The following ATP8B4 variants were observed in gnomAD, a reference collection of about 807,000 sequenced individuals.
The protein encoded by ATP8B4 is ATPase phospholipid transporting 8B4 (putative), also known as probable phospholipid-transporting ATPase IM.
ATP8B4 carries 133 observed loss-of-function variants against 145.6 expected under a neutral mutation model. The ratio of observed to expected loss-of-function variants is 0.91; its 90% confidence interval spans 0.79 to 1.05. The LOEUF (loss-of-function observed/expected upper bound fraction) is 1.05, where lower values mean the gene tolerates loss of function less well. ATP8B4 is among the 50% of genes least tolerant of loss of function. The probability of loss-of-function intolerance (pLI) is 0.00; values close to 1 mark genes in which losing one functional copy is unlikely to be tolerated. For synonymous variants in ATP8B4, 507 were observed against 492.9 expected, an observed-to-expected ratio of 1.03 and a Z score of -0.38; for missense variants, 1,458 against 1,425.2, an observed-to-expected ratio of 1.02 and a Z score of -0.37.
chr15:49,883,383 C>T (rs1437903970), intron 23 of ATP8B4: 2 of 152,146 alleles, frequency 1.3e-5, no homozygotes, highest in Admixed American at 6.5e-5. Context: ...TTTGAAGACT[C>T]ATTTCACAGC....
chr15:50,163,492 C>T (rs1362587334), intron 1 of ATP8B4, among the ~76,000 whole-genome samples: 1 of 152,226 alleles, frequency 6.6e-6, no homozygotes, highest in African/African-American at 2.4e-5. Context: ...TGGAGTTTGT[C>T]TCACTCAGCT....
At position 49,972,588 on chromosome 15, in the gene ATP8B4, T is replaced by A. The variant is rs756142555; in HGVS notation, c.1237A>T (p.Ile413Phe). ...AAGGAACTGTTTCTCTTACCATAGA[T>A]TCTCCCATTAATGGAACATCTTTTA... Reference protein sequence around the residue: ...TFKRCSINGRIYGEVHDDLDQ... With the variant: ...TFKRCSINGRFYGEVHDDLDQ... Residue 413 changes from isoleucine to phenylalanine, a missense_variant, in exon 13 of 28, where the codon ATC (isoleucine) becomes TTC (phenylalanine). Coordinates refer to ENST00000284509, the MANE Select transcript of ATP8B4 (RefSeq NM_024837.4). 1 of 1,612,220 alleles carries A rather than the reference T, an allele frequency of 6.2e-7. No homozygotes were observed. Among genetic ancestry groups the A allele is most frequent in the Admixed American group, 1.7e-5 (1 of 59,954 alleles).
rs532822546 is a variant in ATP8B4 at position 50,021,298 on chromosome 15, G to A, written c.363-10381C>T. Among the ~76,000 whole-genome samples, 5 of 152,282 alleles carry A rather than the reference G, an allele frequency of 3.3e-5. No homozygotes were observed. The South Asian group carries it at 1.0e-3, about 32-fold the overall frequency. ...CTCTTGTCTCTCTCTGCTGTCTACT[G>A]TCTACACAGAAGCCAGCGAAATCTT... On this transcript the variant is annotated intron_variant, in intron 6 of 27. Transcript: ENST00000284509.
intron 6 of ATP8B4, among the ~76,000 whole-genome samples, chr15:50,029,152 G>A (rs1039179539): frequency 1.4e-5 from 2 of 147,030 alleles, no homozygotes; most frequent in African/African-American, 5.0e-5. Flanking sequence ...AGAATCGCTT[G>A]AATCCAGGAG....
chr15:50,078,628 C>T (rs977958596), intron 2 of ATP8B4, among the ~76,000 whole-genome samples: 1 of 151,860 alleles, frequency 6.6e-6, no homozygotes, highest in Non-Finnish European at 1.5e-5. Context: ...CTGCCCTGCT[C>T]CAGAGTAAGA....
Position 49,972,708 on chromosome 15 carries a change from C to T in ATP8B4, c.1117G>A (p.Val373Met). 1 of 1,614,020 alleles carries T rather than the reference C, an allele frequency of 6.2e-7. No individual in the cohort carries two copies. Residue 373 changes from valine to methionine, a missense_variant, in exon 13 of 28, where the codon GTG becomes ATG. Physicochemically the swap from Val to Met is conservative, Grantham distance 21. Transcript: ENST00000284509. The stretch of plus-strand genomic sequence containing the variant: ...TCATTGAGCGTGGTCGTTCGAGCCA[C>T]TGCAGGTATTGCTTTTCGAGAATAA... ...MYYSRKAIPA[V>M]ARTTTLNEEL...
chr15:50,162,087 C>A (rs982571663), intron 1 of ATP8B4, among the ~76,000 whole-genome samples: 1 of 151,998 alleles, frequency 6.6e-6, no homozygotes, highest in African/African-American at 2.4e-5. Flanking sequence ...ATATGTCATG[C>A]CACTTTCTCC....
At chr15:49,991,552 C>A in intron 9 of ATP8B4, among the ~76,000 whole-genome samples, 1 of 152,002 alleles carries the variant, frequency 6.6e-6, no homozygotes, top group African/African-American at 2.4e-5. Flanking sequence ...AAATCAAGGC[C>A]CAATCTCTTT....
At chr15:50,164,648 T>C (rs763090798) in intron 1 of ATP8B4, among the ~76,000 whole-genome samples, 3 of 152,230 alleles carry the variant, frequency 2.0e-5, no homozygotes, top group Non-Finnish European at 4.4e-5. Flanking sequence ...CCACTGGCTC[T>C]AAGCCCAGGA....
At chr15:50,005,766 C>T (rs1373473163) in intron 7 of ATP8B4, among the ~76,000 whole-genome samples, 4 of 152,136 alleles carry the variant, frequency 2.6e-5, no homozygotes, top group African/African-American at 4.8e-5. Context: ...AACACAACTA[C>T]GAAAAACAGA....
chr15:50,105,210 C>T (rs1411884475), intron 2 of ATP8B4, among the ~76,000 whole-genome samples: 1 of 146,370 alleles, frequency 6.8e-6, no homozygotes, highest in South Asian at 2.2e-4. Flanking sequence ...AGAACTTACT[C>T]ATGTAACCAA....
intron 1 of ATP8B4, among the ~76,000 whole-genome samples, chr15:50,115,256 AG>A: frequency 6.6e-6 from 1 of 152,206 alleles, no homozygotes; most frequent in South Asian, 2.1e-4. Flanking sequence ...GGACCACTTG[AG>A]CCCAGAAGCT....
chr15:50,168,833 G>A (rs937859066), intron 1 of ATP8B4, among the ~76,000 whole-genome samples: 10 of 152,202 alleles, frequency 6.6e-5, no homozygotes, highest in African/African-American at 1.9e-4. Context: ...ACTTGGGGCC[G>A]TTGGTGGGGT....
chr15:50,138,326 G>GTAGGTAGA (rs1555496744), intron 1 of ATP8B4, among the ~76,000 whole-genome samples: 3,743 of 148,174 alleles, frequency 0.025, 66 homozygotes, highest in Middle Eastern at 0.034. Context: ...AGATAGATAG[G>GTAGGTAGA]TAGATAGATA....
At chr15:49,940,634 G>C (rs899929994) in intron 14 of ATP8B4, among the ~76,000 whole-genome samples, 5 of 152,112 alleles carry the variant, frequency 3.3e-5, no homozygotes, top group Non-Finnish European at 7.4e-5. Context: ...AGACTCTAAG[G>C]AGTACCATAT....
chr15:49,918,760 C>G (rs1555412858), intron 19 of ATP8B4, 79 bp downstream of exon 19: 2 of 1,028,264 alleles, frequency 1.9e-6, no homozygotes, highest in South Asian at 1.5e-5. Flanking sequence ...ATTAATTAAC[C>G]TTTCTGGTTA....
intron 8 of ATP8B4, among the ~76,000 whole-genome samples, chr15:49,999,952 T>A (rs931378804): frequency 1.3e-5 from 2 of 152,156 alleles, no homozygotes; most frequent in South Asian, 2.1e-4. Context: ...TTATACTGTA[T>A]GTGACCTTTG....
chr15:49,956,781 A>T (rs1038218564), intron 14 of ATP8B4, among the ~76,000 whole-genome samples: 2 of 152,148 alleles, frequency 1.3e-5, no homozygotes, highest in African/African-American at 4.8e-5. Context: ...TCCTAGCCTC[A>T]AACAATCCTC....
intron 6 of ATP8B4, among the ~76,000 whole-genome samples, chr15:50,022,930 T>C (rs1173527672): frequency 6.6e-6 from 1 of 152,244 alleles, no homozygotes; most frequent in African/African-American, 2.4e-5. Context: ...CCAAAGTCTC[T>C]AGGTTGTTTT....
Sources: gnomAD v4.1 joint callset for allele counts (sites outside exome capture counted in the v4.1 genomes callset) on GRCh38, gnomAD v4.1.1 for gene constraint, MANE v1.5 for transcripts, NCBI Gene and HGNC (gene_info 2026-07-23, HGNC 2026-07-21) for gene names.